ANKRD30BL: variants seen among roughly 807,000 people sequenced by gnomAD.
ANKRD30BL encodes the protein ankyrin repeat domain 30B like, also known as putative ankyrin repeat domain-containing protein 30B-like.
Under a neutral mutation model 18.4 loss-of-function variants are expected in ANKRD30BL, and 20 were observed. That is an observed-to-expected ratio of 1.09 (90% CI 0.77 to 1.58). ANKRD30BL has a LOEUF of 1.58. Ranked by LOEUF, ANKRD30BL falls within the 40% of genes most tolerant of loss-of-function variation. ANKRD30BL has a pLI of 0.00. For synonymous variants in ANKRD30BL, 72 were observed against 100.9 expected (o/e 0.71, Z 1.72); for missense variants, 224 against 268.6 (o/e 0.83, Z 1.16).
chr2:132,243,998 T>A (rs878950592), intron 1 of ANKRD30BL, among the ~76,000 whole-genome samples: 1 of 152,258 alleles, frequency 6.6e-6, no homozygotes, highest in Non-Finnish European at 1.5e-5. Flanking sequence ...GATAGAGCAG[T>A]TTTGAGAAAC....
intron 1 of ANKRD30BL, among the ~76,000 whole-genome samples, chr2:132,200,039 T>A (rs1679063754): frequency 6.6e-6 from 1 of 152,152 alleles, no homozygotes; most frequent in Non-Finnish European, 1.5e-5. Flanking sequence ...ATCTAGCATA[T>A]AAACAGAACC....
At position 132,161,514 on chromosome 2, in the gene ANKRD30BL, G is replaced by C; in HGVS notation, c.192C>G (p.Asp64Glu). 6.9e-7 allele frequency: 1 copy of C among 1,456,672 alleles called. No individual in the cohort carries two copies. Among genetic ancestry groups the C allele is most frequent in the Non-Finnish European group, 9.4e-7 (1 of 1,063,360 alleles). 90.2% of individuals were successfully genotyped at this position (1,456,672 alleles called of 1,614,324 possible). A position where few individuals can be genotyped will look rare whatever the true frequency, so the allele number is the denominator to read the frequency against. Residue 64 changes from aspartate (D) to glutamate (E), a missense_variant, in exon 1 of 6, where the codon GAC becomes GAG. Physicochemically the swap from Asp to Glu is conservative, Grantham distance 45. Transcript: ENST00000409867. ...TCTTCTTCGCATCTCTTATGTTCAGGTCCATTGTCGTCTTCTTCATCATCC... is the reference window on the plus strand; with the variant it reads ...TCTTCTTCGCATCTCTTATGTTCAGCTCCATTGTCGTCTTCTTCATCATCC... ...LERMMKKTTM[D>E]LNIRDAKKRT...
At position 132,251,921 on chromosome 2, in the gene ANKRD30BL, T is replaced by G. The variant is rs528624050; in HGVS notation, n.441+5608A>C. 5.9e-5 allele frequency among the ~76,000 whole-genome samples: 9 copies of G among 152,382 alleles called. No individual in the cohort carries two copies. The South Asian group carries it at 8.3e-4, about 14-fold the overall frequency. On this transcript the variant is annotated intron_variant and non_coding_transcript_variant, in intron 1 of 4. Transcript: ENST00000470729. ...TTTGATTTTGTGTTATGGGTGTTCT[T>G]TTGTGTGATCGTTCTCATGGAGAGA...
At chr2:132,234,934 T>G (rs1300331681) in intron 1 of ANKRD30BL, among the ~76,000 whole-genome samples, 1 of 152,140 alleles carries the variant, frequency 6.6e-6, no homozygotes. Flanking sequence ...GCAAAAATCC[T>G]CAATAAAATA....
chr2:132,253,796 G>C (rs1454539884), intron 1 of ANKRD30BL, among the ~76,000 whole-genome samples: 1 of 152,020 alleles, frequency 6.6e-6, no homozygotes, highest in South Asian at 2.1e-4. Context: ...GGATGGCGGG[G>C]GCGGATGAGG....
At chr2:132,252,981 G>C (rs528356578) in intron 1 of ANKRD30BL, among the ~76,000 whole-genome samples, 20 of 152,002 alleles carry the variant, frequency 1.3e-4, no homozygotes, top group African/African-American at 4.1e-4. Flanking sequence ...GCCACCCAAC[G>C]CGTGACTACA....
At chr2:132,160,595 C>A (rs187863334) in intron 1 of ANKRD30BL, among the ~76,000 whole-genome samples, 3 of 151,410 alleles carry the variant, frequency 2.0e-5, no homozygotes, top group Non-Finnish European at 2.9e-5. Flanking sequence ...CCCACCACCA[C>A]GCCCGGCTAA....
intron 1 of ANKRD30BL, among the ~76,000 whole-genome samples, chr2:132,236,253 C>A (rs534930871): frequency 1.1e-4 from 17 of 151,296 alleles, no homozygotes; most frequent in Middle Eastern, 3.4e-3. Flanking sequence ...AAAACATAGG[C>A]ATTACCATTC....
At chr2:132,256,988 C>T (rs1303453200) in intron 1 of ANKRD30BL, 1 of 515,342 alleles carries the variant, frequency 1.9e-6, no homozygotes. Flanking sequence ...ACGGCCGGGC[C>T]ACCAGGAAAA....
At chr2:132,246,317 G>T (rs201407898) in intron 1 of ANKRD30BL, among the ~76,000 whole-genome samples, 1 of 150,526 alleles carries the variant, frequency 6.6e-6, no homozygotes. Flanking sequence ...AAACTAGACA[G>T]AAGAATTCTC....
chr2:132,157,227 T>C (rs1687933370), intron 2 of ANKRD30BL, 81 bp from the exon 3 acceptor site: 4 of 1,071,460 alleles, frequency 3.7e-6, no homozygotes, highest in South Asian at 3.4e-5. Flanking sequence ...AAACCAGTTA[T>C]ATTTCAATGA....
intron 1 of ANKRD30BL, among the ~76,000 whole-genome samples, chr2:132,256,438 G>GCGGCAGCCGCGAGGGAC (rs1680840477): frequency 6.6e-6 from 1 of 152,226 alleles, no homozygotes; most frequent in East Asian, 1.9e-4. Flanking sequence ...CGACCCGTGT[G>GCGGCAGCCGCGAGGGAC]CGGCAGCCGC....
chr2:132,221,818 TG>T (rs1229172798), intron 1 of ANKRD30BL, among the ~76,000 whole-genome samples: 2 of 59,998 alleles, frequency 3.3e-5, no homozygotes, highest in African/African-American at 1.8e-4. Flanking sequence ...GGGAGGGAGG[TG>T]GGGGGGTCAG....
At chr2:132,241,094 C>T (rs1485253622) in intron 1 of ANKRD30BL, among the ~76,000 whole-genome samples, 3 of 151,828 alleles carry the variant, frequency 2.0e-5, no homozygotes, top group Non-Finnish European at 4.4e-5. Flanking sequence ...TTTCATAGAG[C>T]AGTTTTGTAA....
intron 1 of ANKRD30BL, among the ~76,000 whole-genome samples, chr2:132,186,538 G>C (rs1688563027): frequency 6.6e-6 from 1 of 152,166 alleles, no homozygotes; most frequent in Non-Finnish European, 1.5e-5. Flanking sequence ...CTTAATGTTA[G>C]TGTTTACCAT....
intron 1 of ANKRD30BL, among the ~76,000 whole-genome samples, chr2:132,170,909 C>A (rs1228090486): frequency 6.6e-6 from 1 of 152,172 alleles, no homozygotes; most frequent in Non-Finnish European, 1.5e-5. Context: ...GTAAGCCCAG[C>A]ACTTTGGGAG....
At chr2:132,245,314 T>A (rs202160571) in intron 1 of ANKRD30BL, among the ~76,000 whole-genome samples, 1 of 152,250 alleles carries the variant, frequency 6.6e-6, no homozygotes, top group African/African-American at 2.4e-5. Flanking sequence ...AACTTCTTTG[T>A]GATGTTTGCA....
chr2:132,219,133 G>A (rs62165499), intron 1 of ANKRD30BL, among the ~76,000 whole-genome samples: 2 of 149,042 alleles, frequency 1.3e-5, no homozygotes, highest in South Asian at 2.1e-4. Context: ...ATGGTGGAAA[G>A]GGGAGTATCT....
chr2:132,215,940 C>A (rs371566336), intron 1 of ANKRD30BL, among the ~76,000 whole-genome samples: 1 of 151,620 alleles, frequency 6.6e-6, no homozygotes, highest in Non-Finnish European at 1.5e-5. Context: ...AGAGTTGAAC[C>A]TTTCTTTTGA....
Sources: gnomAD v4.1 joint callset for allele counts (sites outside exome capture counted in the v4.1 genomes callset) on GRCh38, gnomAD v4.1.1 for gene constraint, MANE v1.5 for transcripts, NCBI Gene and HGNC (gene_info 2026-07-23, HGNC 2026-07-21) for gene names.